TTC28: variants seen among roughly 807,000 people sequenced by gnomAD.
TTC28 encodes the protein tetratricopeptide repeat protein 28.
Under a neutral mutation model 198.0 loss-of-function variants are expected in TTC28, and 61 were observed. That is an observed-to-expected ratio of 0.31 (90% confidence interval 0.25 to 0.38). TTC28 has a LOEUF of 0.38. Among genes scored for constraint, TTC28 ranks in the 10% least tolerant of loss-of-function variants. The pLI is 1.00. For synonymous variants in TTC28, 1,171 were observed against 1,297.8 expected (o/e 0.90, Z 2.10); for missense variants, 2,678 against 3,164.0 (o/e 0.85, Z 3.69).
chr22:28,162,878 G>A (rs1319186388), intron 6 of TTC28, among the ~76,000 whole-genome samples: 1 of 152,196 alleles, frequency 6.6e-6, no homozygotes, highest in African/African-American at 2.4e-5. Context: ...GCAGTGAGGT[G>A]TGGTTGTGCC....
chr22:28,080,869 A>G (rs904666389), intron 12 of TTC28, among the ~76,000 whole-genome samples: 1 of 152,130 alleles, frequency 6.6e-6, no homozygotes, highest in Non-Finnish European at 1.5e-5. Context: ...TGCATGTCGT[A>G]TAAATAAGGG....
intron 2 of TTC28, among the ~76,000 whole-genome samples, chr22:28,338,992 C>T (rs1264836547): frequency 6.6e-6 from 1 of 152,122 alleles, no homozygotes; most frequent in Non-Finnish European, 1.5e-5. Flanking sequence ...GTTTTTTCCC[C>T]ATCTTTGTGG....
At chr22:28,463,920 A>T (rs1200358816) in intron 2 of TTC28, among the ~76,000 whole-genome samples, 1 of 151,922 alleles carries the variant, frequency 6.6e-6, no homozygotes, top group Non-Finnish European at 1.5e-5. Flanking sequence ...TTAAAACTAT[A>T]TATATATTTA....
At chr22:28,016,173 C>A (rs1406295072) in intron 13 of TTC28, among the ~76,000 whole-genome samples, 3 of 152,146 alleles carry the variant, frequency 2.0e-5, no homozygotes, top group African/African-American at 4.8e-5. Context: ...CATCCGCTCC[C>A]TGGCCTCACT....
intron 2 of TTC28, among the ~76,000 whole-genome samples, chr22:28,582,133 T>C (rs916137094): frequency 1.3e-5 from 2 of 152,216 alleles, no homozygotes; most frequent in Admixed American, 6.5e-5. Context: ...AAATTTATCT[T>C]ACCAGAATAT....
At chr22:28,390,882 C>A (rs2046706873) in intron 2 of TTC28, among the ~76,000 whole-genome samples, 1 of 152,132 alleles carries the variant, frequency 6.6e-6, no homozygotes, top group African/African-American at 2.4e-5. Context: ...TTGATCCTGT[C>A]ATTATGATGC....
chr22:28,480,062 A>G (rs2048222958), intron 2 of TTC28, among the ~76,000 whole-genome samples: 1 of 152,214 alleles, frequency 6.6e-6, no homozygotes, highest in Admixed American at 6.5e-5. Flanking sequence ...ACAGAAGATG[A>G]GGCAAAGCCA....
chr22:28,339,968 G>A (rs976001691), intron 2 of TTC28, among the ~76,000 whole-genome samples: 40 of 152,142 alleles, frequency 2.6e-4, no homozygotes, highest in Admixed American at 2.0e-3. Flanking sequence ...GAAATCACCC[G>A]TCTTCTGCGT....
intron 2 of TTC28, among the ~76,000 whole-genome samples, chr22:28,331,724 G>T (rs557322432): frequency 1.3e-5 from 2 of 151,956 alleles, no homozygotes; most frequent in East Asian, 3.9e-4. Context: ...CTCCCTTCTT[G>T]CCTTCAATGC....
intron 6 of TTC28, among the ~76,000 whole-genome samples, chr22:28,154,008 C>CAG (rs149221703): frequency 1.1e-4 from 17 of 150,554 alleles, no homozygotes; most frequent in South Asian, 6.3e-4. Flanking sequence ...TCACCTTCAT[C>CAG]AGAGAGAGAG....
chr22:28,539,862 G>A lies in TTC28; in HGVS notation c.381+89690C>T, dbSNP rs144210258. ...CTAGGTAATTTATAATAAAAGAAGC[G>A]TGACTGGCTTGTGGCTCTGCAGCCT... is the stretch of plus-strand genomic sequence containing the variant. On this transcript the variant is annotated intron_variant, in intron 2 of 22. Coordinates refer to ENST00000397906, the MANE Select transcript of TTC28 (RefSeq NM_001145418.2). 6.8e-3 allele frequency among the ~76,000 whole-genome samples: 1,037 copies of A among 151,536 alleles called. 11 individuals are homozygous for A. Among genetic ancestry groups the A allele is most frequent in the African/African-American group, 0.024 (1,001 of 41,250 alleles).
intron 2 of TTC28, among the ~76,000 whole-genome samples, chr22:28,433,364 C>T (rs989874566): frequency 2.6e-5 from 4 of 152,112 alleles, no homozygotes; most frequent in South Asian, 2.1e-4. Flanking sequence ...CCAGTGGATA[C>T]GGCCCTCCCC....
intron 2 of TTC28, among the ~76,000 whole-genome samples, chr22:28,453,155 T>C (rs955972505): frequency 2.0e-5 from 3 of 152,210 alleles, no homozygotes; most frequent in East Asian, 1.9e-4. Context: ...ACCTTAATGA[T>C]TCTATGAGCC....
intron 6 of TTC28, among the ~76,000 whole-genome samples, chr22:28,157,533 A>G (rs1042740974): frequency 1.1e-4 from 16 of 152,218 alleles, no homozygotes; most frequent in African/African-American, 3.1e-4. Flanking sequence ...AATCCTCAAC[A>G]AAATACTAGC....
intron 2 of TTC28, among the ~76,000 whole-genome samples, chr22:28,535,398 C>G (rs2049244604): frequency 6.6e-6 from 1 of 152,144 alleles, no homozygotes; most frequent in South Asian, 2.1e-4. Flanking sequence ...ATTCTTAGTA[C>G]TATAAATTAA....
At position 28,014,410 on chromosome 22, in the gene TTC28, G is replaced by A. The variant is rs928065364; in HGVS notation, c.4074-18C>T. ...GGCAGCTCCTGGGGAGGGAAGGGCC[G>A]AGGGATCAATCAGGGCCACTCAGAC... On this transcript the variant is annotated intron_variant, in intron 13 of 22. Coordinates refer to ENST00000397906, the MANE Select transcript of TTC28 (RefSeq NM_001145418.2). 1.0e-5 allele frequency: 16 copies of A among 1,542,534 alleles called. No homozygotes were observed. The highest frequency in any genetic ancestry group is 8.2e-5 in the African/African-American group (6 of 72,922).
intron 2 of TTC28, among the ~76,000 whole-genome samples, chr22:28,538,869 TTTTTTA>T (rs1302826105): frequency 6.6e-6 from 1 of 152,020 alleles, no homozygotes; most frequent in Non-Finnish European, 1.5e-5. Flanking sequence ...GCCAAGTACC[TTTTTTA>T]TTTGGAACTA....
At chr22:28,397,403 A>G (rs2146089343) in intron 2 of TTC28, among the ~76,000 whole-genome samples, 1 of 152,374 alleles carries the variant, frequency 6.6e-6, no homozygotes, top group East Asian at 1.9e-4. Flanking sequence ...CAAGAGTAGT[A>G]ACACACCACA....
chr22:27,995,444 G>A (rs113791317), intron 17 of TTC28, among the ~76,000 whole-genome samples: 3,159 of 152,270 alleles, frequency 0.021, 40 homozygotes, highest in Non-Finnish European at 0.029. Flanking sequence ...GGTTGTTCCC[G>A]AGGTAGAAGG....
Sources: gnomAD v4.1 joint callset for allele counts (sites outside exome capture counted in the v4.1 genomes callset) on GRCh38, gnomAD v4.1.1 for gene constraint, MANE v1.5 for transcripts, NCBI Gene and HGNC (gene_info 2026-07-23, HGNC 2026-07-21) for gene names.